The following SLC12A1 variants were observed in gnomAD, a reference collection of about 807,000 sequenced individuals.
The protein encoded by SLC12A1 is solute carrier family 12 member 1.
Under a neutral mutation model 130.4 loss-of-function variants are expected in SLC12A1, and 89 were observed. The ratio of observed to expected loss-of-function variants is 0.68; its 90% CI spans 0.58 to 0.81. The LOEUF (loss-of-function observed/expected upper bound fraction) is 0.81. Ranked by LOEUF, SLC12A1 falls within the 40% of genes least tolerant of loss-of-function variation. SLC12A1 has a pLI of 0.00. For missense variants in SLC12A1, 1,310 were observed against 1,336.4 expected (o/e 0.98, Z 0.31); for synonymous variants, 499 against 460.0 (o/e 1.08, Z -1.09).
chr15:48,301,511 GA>G lies in SLC12A1; in HGVS notation c.3164+131del. 14 of 478,118 alleles carry G rather than the reference GA, an allele frequency of 2.9e-5. No individual in the cohort carries two copies. In the African/African-American group the frequency reaches 3.1e-4, roughly 11 times the overall value. The allele number at this position is 478,118 out of a possible 1,614,324, so 29.6% of individuals were successfully genotyped here. ...GTTTTTGTGTTTTTTTTGGGGGGGGGAACACGTGGGATTCTTAGACAGTGAA... is the reference window on the plus strand; with the variant it reads ...GTTTTTGTGTTTTTTTTGGGGGGGGGACACGTGGGATTCTTAGACAGTGAA... On this transcript the variant is annotated intron_variant, in intron 26 of 26. Coordinates refer to ENST00000380993, the MANE Select transcript of SLC12A1 (RefSeq NM_000338.3).
chr15:48,221,003 A>G lies in SLC12A1; in HGVS notation c.628+7A>G. ...GTTGGAGAAGCTGGAATTGGTAAGC[A>G]TTTTTCCCCTCCTAAATAATTTTGC... On this transcript the variant is annotated splice_region_variant and intron_variant, in intron 4 of 26. Transcript: ENST00000380993. 1 of 1,613,126 alleles carries G rather than the reference A, an allele frequency of 6.2e-7. No individual in the cohort carries two copies. The highest frequency in any genetic ancestry group is 8.5e-7 in the Non-Finnish European group (1 of 1,179,128).
rs756816921 is a variant in SLC12A1 at position 48,267,719 on chromosome 15, G to C, written c.2295+18G>C. 8.1e-6 allele frequency: 13 copies of C among 1,612,446 alleles called. No individual in the cohort carries two copies. In the South Asian group the frequency reaches 1.2e-4, roughly 15 times the overall value. On this transcript the variant is annotated intron_variant, in intron 18 of 26. Transcript: ENST00000380993. ...TTCTTCAGGTAAGGCTGCATTGAGG[G>C]AATGAGCACAGAGGCAAAAGACAAT...
intron 20 of SLC12A1, among the ~76,000 whole-genome samples, chr15:48,284,558 T>G (rs1337083413): frequency 6.6e-6 from 1 of 152,260 alleles, no homozygotes; most frequent in Admixed American, 6.5e-5. Flanking sequence ...TGTAACTTCA[T>G]GTATCATAAC....
At chr15:48,287,890 T>C (rs1464486066) in intron 21 of SLC12A1, among the ~76,000 whole-genome samples, 153 bp from the exon 22 acceptor site, 1 of 152,226 alleles carries the variant, frequency 6.6e-6, no homozygotes, top group Non-Finnish European at 1.5e-5. Context: ...TGGACTTTTA[T>C]CTCTGCCTTT....
At chr15:48,249,011 T>A (rs2041616326) in intron 13 of SLC12A1, among the ~76,000 whole-genome samples, 1 of 152,188 alleles carries the variant, frequency 6.6e-6, no homozygotes. Context: ...GCCATTGCAC[T>A]CCAGGGTGAC....
At position 48,302,816 on chromosome 15, in the gene SLC12A1, C is replaced by G. The variant is rs1199197129; in HGVS notation, c.3231C>G (p.Leu1077=). The G allele has an allele frequency of 2.5e-6, 4 of 1,612,960 alleles. No individual in the cohort carries two copies. Among genetic ancestry groups the G allele is most frequent in the Non-Finnish European group, 3.4e-6 (4 of 1,179,196 alleles). The change falls in exon 27 of 27, where the codon CTC becomes CTG. Residue 1077 remains leucine, a synonymous_variant. Coordinates refer to ENST00000380993, the MANE Select transcript of SLC12A1 (RefSeq NM_000338.3). ...DLLYMAWLEI[L]TKNLPPVLLV... ...TGTATATGGCTTGGTTGGAAATCCT[C>G]ACAAAGAACCTCCCACCTGTCTTAC...
In SLC12A1 at chr15:48,232,851, A is replaced by G. The variant is rs2041397668; in HGVS notation, c.1087+13A>G. ...TTTAATTACCAAGGTACATGGAATA[A>G]ATTGGTTGCTTTTCATTAAATACTT... On this transcript the variant is annotated intron_variant, in intron 8 of 26. Transcript: ENST00000380993. The G allele has an allele frequency of 6.6e-7, 1 of 1,506,222 alleles. No individual in the cohort carries two copies. The highest frequency in any genetic ancestry group is 1.4e-5 in the African/African-American group (1 of 72,452). 93.3% of individuals were successfully genotyped at this position (1,506,222 alleles called of 1,614,324 possible).
intron 2 of SLC12A1, among the ~76,000 whole-genome samples, chr15:48,220,296 T>G (rs978398527): frequency 2.0e-5 from 3 of 152,146 alleles, no homozygotes; most frequent in African/African-American, 7.2e-5. Context: ...TTACTCTGGC[T>G]GTCCCTTCCT....
chr15:48,275,454 A>G (rs2041942383), intron 20 of SLC12A1, among the ~76,000 whole-genome samples: 1 of 152,208 alleles, frequency 6.6e-6, no homozygotes, highest in Admixed American at 6.5e-5. Context: ...GAAGTAGATC[A>G]ATTATTAGCA....
At chr15:48,235,916 G>A (rs11070629) in intron 9 of SLC12A1, among the ~76,000 whole-genome samples, 92,541 of 151,888 alleles carry the variant, frequency 0.61, 32,807 homozygotes, top group Non-Finnish European at 0.79. Flanking sequence ...TGCATGTATC[G>A]CTCCTGCTGA....
At chr15:48,275,710 A>G (rs1049584655) in intron 20 of SLC12A1, among the ~76,000 whole-genome samples, 15 of 152,196 alleles carry the variant, frequency 9.9e-5, no homozygotes, top group Non-Finnish European at 2.1e-4. Context: ...AGACAACCAA[A>G]AGCAGATTCA....
At chr15:48,296,938 G>A (rs544218156) in intron 24 of SLC12A1, among the ~76,000 whole-genome samples, 18 of 152,106 alleles carry the variant, frequency 1.2e-4, no homozygotes, top group African/African-American at 1.7e-4. Flanking sequence ...ATACAGCCCC[G>A]TTATCACCCC....
At chr15:48,257,505 A>G (rs746654023) in intron 16 of SLC12A1, among the ~76,000 whole-genome samples, 6 of 152,022 alleles carry the variant, frequency 3.9e-5, no homozygotes, top group Non-Finnish European at 8.8e-5. Context: ...ATTTCCATAC[A>G]TCCTCTGACA....
intron 20 of SLC12A1, among the ~76,000 whole-genome samples, chr15:48,283,056 A>G (rs1390028796): frequency 1.3e-5 from 2 of 152,216 alleles, no homozygotes; most frequent in African/African-American, 4.8e-5. Context: ...GCACCCAAAG[A>G]GTGTGCAATA....
chr15:48,300,079 C>T (rs2042216426), intron 25 of SLC12A1, among the ~76,000 whole-genome samples: 1 of 152,130 alleles, frequency 6.6e-6, no homozygotes, highest in African/African-American at 2.4e-5. Flanking sequence ...CACCTGTAAT[C>T]CCAGAACTTT....
intron 10 of SLC12A1, 90 bp downstream of exon 10, chr15:48,241,689 A>C (rs531005565): frequency 6.8e-6 from 6 of 887,366 alleles, no homozygotes; most frequent in Non-Finnish European, 1.9e-6. Context: ...GCATAAATAC[A>C]GAGTTTTTTA....
chr15:48,283,268 TAC>T (rs2042026234), intron 20 of SLC12A1, among the ~76,000 whole-genome samples: 1 of 152,334 alleles, frequency 6.6e-6, no homozygotes, highest in African/African-American at 2.4e-5. Context: ...AGGAAAGGGT[TAC>T]AGTTTTCCAT....
rs142233158 is a variant in SLC12A1 at position 48,275,513 on chromosome 15, T to C, written c.2485+860T>C. Among the ~76,000 whole-genome samples, 735 of 152,300 alleles carry C rather than the reference T, an allele frequency of 4.8e-3. 7 individuals are homozygous for C. Among genetic ancestry groups the C allele is most frequent in the Middle Eastern group, 0.044 (13 of 294 alleles). ...TTATGGGAAAGAAAGAAGGGGCACCTAACTCACTCCAAAAAGGCATTCTGG... is the reference window on the plus strand; with the variant it reads ...TTATGGGAAAGAAAGAAGGGGCACCCAACTCACTCCAAAAAGGCATTCTGG... On this transcript the variant is annotated intron_variant, in intron 20 of 26. Coordinates refer to ENST00000380993, the MANE Select transcript of SLC12A1 (RefSeq NM_000338.3).
At chr15:48,289,653 T>A (rs972395085) in intron 23 of SLC12A1, among the ~76,000 whole-genome samples, 6 of 152,000 alleles carry the variant, frequency 3.9e-5, no homozygotes, top group African/African-American at 1.5e-4. Context: ...AGGCTACAAA[T>A]CTGAACTGAA....
Sources: gnomAD v4.1 joint callset for allele counts (sites outside exome capture counted in the v4.1 genomes callset) on GRCh38, gnomAD v4.1.1 for gene constraint, MANE v1.5 for transcripts, NCBI Gene and HGNC (gene_info 2026-07-23, HGNC 2026-07-21) for gene names.